ZNF407: variants seen among roughly 807,000 people sequenced by gnomAD.
ZNF407 encodes the protein zinc finger protein 407.
A neutral mutation model predicts 131.2 loss-of-function variants in ZNF407; 17 were observed. The observed-to-expected ratio is 0.13, with a 90% CI of 0.09 to 0.19. The LOEUF (loss-of-function observed/expected upper bound fraction) is 0.19. Among genes scored for constraint, ZNF407 ranks in the 10% least tolerant of loss-of-function variants. ZNF407 has a pLI of 1.00. For synonymous variants in ZNF407, 1,156 were observed against 1,062.0 expected (o/e 1.09, Z -1.72); for missense variants, 2,681 against 2,830.6 (o/e 0.95, Z 1.20).
intron 8 of ZNF407, among the ~76,000 whole-genome samples, chr18:75,007,067 A>G (rs894851681): frequency 6.6e-6 from 1 of 152,090 alleles, no homozygotes; most frequent in Admixed American, 6.6e-5. Flanking sequence ...TGGAGGTTAA[A>G]GTGGATCTTT....
intron 3 of ZNF407, among the ~76,000 whole-genome samples, chr18:74,670,556 CT>C (rs1568157430): frequency 6.6e-6 from 1 of 152,186 alleles, no homozygotes; most frequent in Non-Finnish European, 1.5e-5. Flanking sequence ...GAATAAAAAA[CT>C]ATTCCAAAAA....
chr18:74,910,258 A>T (rs184545009), intron 7 of ZNF407, among the ~76,000 whole-genome samples: 12 of 152,326 alleles, frequency 7.9e-5, no homozygotes, highest in Admixed American at 1.3e-4. Flanking sequence ...CATGAGTTGT[A>T]AAAGCAGTAG....
At chr18:74,945,919 C>T (rs1383965881) in intron 8 of ZNF407, among the ~76,000 whole-genome samples, 3 of 152,176 alleles carry the variant, frequency 2.0e-5, no homozygotes, top group Non-Finnish European at 2.9e-5. Flanking sequence ...GACATCTTCA[C>T]TGATCACCCT....
chr18:74,607,584 GC>G (rs1982865736), intron 1 of ZNF407, among the ~76,000 whole-genome samples: 1 of 152,218 alleles, frequency 6.6e-6, no homozygotes, highest in Non-Finnish European at 1.5e-5. Flanking sequence ...CATTGACGGG[GC>G]TGGGTTTGTG....
intron 3 of ZNF407, among the ~76,000 whole-genome samples, chr18:74,730,379 C>T (rs1050836330): frequency 3.9e-5 from 6 of 152,290 alleles, no homozygotes; most frequent in South Asian, 2.1e-4. Context: ...AAAATTAGCA[C>T]GATGACAGGT....
chr18:74,898,154 T>C (rs572235508), intron 7 of ZNF407: 1 of 152,340 alleles, frequency 6.6e-6, no homozygotes, highest in Non-Finnish European at 1.5e-5. Context: ...CAGAGCAGCT[T>C]ATGTATCAGC....
At chr18:74,955,491 G>A (rs528191795) in intron 8 of ZNF407, among the ~76,000 whole-genome samples, 35 of 152,186 alleles carry the variant, frequency 2.3e-4, no homozygotes, top group Non-Finnish European at 4.6e-4. Context: ...TGGAGCTGGC[G>A]CTGGGCTAGC....
At chr18:74,696,973 AC>A (rs1050487464) in intron 3 of ZNF407, among the ~76,000 whole-genome samples, 1 of 152,238 alleles carries the variant, frequency 6.6e-6, no homozygotes, top group African/African-American at 2.4e-5. Context: ...TAAAATAACA[AC>A]CTGCAAAGTT....
intron 3 of ZNF407, among the ~76,000 whole-genome samples, chr18:74,674,359 G>C (rs1468066379): frequency 6.6e-6 from 1 of 152,202 alleles, no homozygotes; most frequent in Admixed American, 6.5e-5. Flanking sequence ...TTGCAGATCA[G>C]GTCCCTACCT....
At chr18:74,952,277 T>C (rs1448126139) in intron 8 of ZNF407, among the ~76,000 whole-genome samples, 1 of 152,240 alleles carries the variant, frequency 6.6e-6, no homozygotes, top group Non-Finnish European at 1.5e-5. Context: ...TATCTTGCAA[T>C]TGGCCTGTGC....
intron 4 of ZNF407, among the ~76,000 whole-genome samples, chr18:74,846,865 A>G: frequency 6.6e-6 from 1 of 151,536 alleles, no homozygotes; most frequent in East Asian, 2.0e-4. Flanking sequence ...GTGGTGGTGC[A>G]CACCTGTAAT....
chr18:74,672,837 A>T (rs72967659), intron 3 of ZNF407, among the ~76,000 whole-genome samples: 15,078 of 152,266 alleles, frequency 0.099, 885 homozygotes, highest in Non-Finnish European at 0.14. Context: ...CAATAAAAAA[A>T]TGAAAATATA....
At chr18:75,004,519 C>T (rs940034753) in intron 8 of ZNF407, among the ~76,000 whole-genome samples, 13 of 152,050 alleles carry the variant, frequency 8.5e-5, no homozygotes, top group African/African-American at 1.9e-4. Context: ...AAAACGAGAG[C>T]GGCATTGGGT....
chr18:74,894,846 A>G lies in ZNF407; in HGVS notation c.5249+4808A>G, dbSNP rs147842046. Reference sequence around the variant, plus strand: ...TTTATCATCTGCATATTGTGTCTCTATTATTGAAATTGGGATAGCATCAGT... The same window carrying G: ...TTTATCATCTGCATATTGTGTCTCTGTTATTGAAATTGGGATAGCATCAGT... On this transcript the variant is annotated intron_variant, in intron 7 of 8. Coordinates refer to ENST00000299687, the MANE Select transcript of ZNF407 (RefSeq NM_017757.3). Among the ~76,000 whole-genome samples, 75 of 152,252 alleles carry G rather than the reference A, an allele frequency of 4.9e-4. 1 individual carries two copies. The Middle Eastern group carries it at 0.01, about 21-fold the overall frequency.
At chr18:74,929,093 T>C (rs185713509) in intron 8 of ZNF407, among the ~76,000 whole-genome samples, 1 of 152,302 alleles carries the variant, frequency 6.6e-6, no homozygotes, top group Admixed American at 6.5e-5. Context: ...GCTCTCAGGC[T>C]CCCGGCTCAC....
intron 7 of ZNF407, among the ~76,000 whole-genome samples, chr18:74,913,948 C>T (rs1302357042): frequency 6.6e-6 from 1 of 152,060 alleles, no homozygotes; most frequent in Non-Finnish European, 1.5e-5. Context: ...TTTAAGAAGC[C>T]CTATAAGGCA....
Position 74,956,684 on chromosome 18 carries a change from G to A in ZNF407, c.5428+35992G>A, listed in dbSNP as rs573955501. 2.1e-3 allele frequency among the ~76,000 whole-genome samples: 326 copies of A among 152,216 alleles called. 2 individuals carry two copies. The highest frequency in any genetic ancestry group is 7.2e-3 in the African/African-American group (297 of 41,534). On this transcript the variant is annotated intron_variant, in intron 8 of 8. Transcript: ENST00000299687. ...AGGGTTGGTTTCATGGAGGAGAGGC[G>A]TGTTGAGCCGTGACTGGAAGGAAGG... is the stretch of plus-strand genomic sequence containing the variant.
intron 3 of ZNF407, among the ~76,000 whole-genome samples, chr18:74,720,130 T>C (rs1395676365): frequency 1.3e-5 from 2 of 152,132 alleles, no homozygotes; most frequent in East Asian, 3.9e-4. Context: ...ACCAACGGTG[T>C]ATAAGAAATA....
intron 8 of ZNF407, among the ~76,000 whole-genome samples, chr18:74,968,708 AT>A: frequency 6.6e-6 from 1 of 151,880 alleles, no homozygotes; most frequent in South Asian, 2.1e-4. Flanking sequence ...TGATTTCAAG[AT>A]TTTTTTCTTT....
Sources: allele counts gnomAD v4.1 joint callset (sites outside exome capture counted in the v4.1 genomes callset), GRCh38; gene constraint gnomAD v4.1.1; transcripts MANE v1.5; gene names NCBI Gene and HGNC (gene_info 2026-07-23, HGNC 2026-07-21).